ARMC3: variants seen among roughly 807,000 people sequenced by gnomAD.
ARMC3 encodes armadillo repeat-containing protein 3.
In ARMC3, 74 loss-of-function variants were observed where a neutral mutation model predicts 90.3. The observed-to-expected ratio is 0.82, with a 90% CI of 0.68 to 0.99. The LOEUF (loss-of-function observed/expected upper bound fraction) is 0.99. Among genes scored for constraint, ARMC3 ranks in the 50% least tolerant of loss-of-function variants. The pLI, the probability that ARMC3 is intolerant of heterozygous loss-of-function variation, is 0.00. For synonymous variants in ARMC3, 334 were observed against 361.8 expected (o/e 0.92, Z 0.87); for missense variants, 958 against 1,042.8 (o/e 0.92, Z 1.12).
At chr10:22,952,471 C>T (rs1258175411) in intron 3 of ARMC3, among the ~76,000 whole-genome samples, 2 of 152,030 alleles carry the variant, frequency 1.3e-5, no homozygotes, top group South Asian at 2.1e-4. Flanking sequence ...CATAAATTTC[C>T]AAGCTCACTA....
chr10:22,991,517 C>G (rs1346887946), intron 10 of ARMC3, among the ~76,000 whole-genome samples: 1 of 151,438 alleles, frequency 6.6e-6, no homozygotes, highest in Non-Finnish European at 1.5e-5. Context: ...CCTTTACCTG[C>G]TGGGCACTGT....
chr10:23,030,399 G>A (rs945416443), intron 16 of ARMC3, among the ~76,000 whole-genome samples, 197 bp from the exon 17 acceptor site: 1 of 152,154 alleles, frequency 6.6e-6, no homozygotes, highest in African/African-American at 2.4e-5. Context: ...GTGGAATGCG[G>A]AACCCATGGA....
chr10:23,025,013 A>G (rs1016118936), intron 16 of ARMC3, among the ~76,000 whole-genome samples: 2 of 152,176 alleles, frequency 1.3e-5, no homozygotes, highest in African/African-American at 4.8e-5. Flanking sequence ...GGGACATTAC[A>G]TTAGTGATCA....
At chr10:22,932,589 TTC>T (rs1256481051) in intron 2 of ARMC3, among the ~76,000 whole-genome samples, 3 of 152,234 alleles carry the variant, frequency 2.0e-5, no homozygotes, top group Non-Finnish European at 4.4e-5. Flanking sequence ...GGATTTTATC[TTC>T]TCTCTTTAAA....
At chr10:23,008,229 A>G (rs1383887803) in intron 14 of ARMC3, 47 bp from the exon 15 acceptor site, 5 of 998,728 alleles carry the variant, frequency 5.0e-6, no homozygotes. Context: ...CCATCTGTTG[A>G]CAAATAATTT....
intron 10 of ARMC3, among the ~76,000 whole-genome samples, chr10:22,982,471 C>T (rs76275650): frequency 0.014 from 2,203 of 152,320 alleles, 50 homozygotes; most frequent in African/African-American, 0.051. Context: ...CCCAAGCACT[C>T]TGGTGTGTAA....
intron 10 of ARMC3, among the ~76,000 whole-genome samples, chr10:22,990,972 C>G (rs755983117): frequency 1.3e-5 from 2 of 151,718 alleles, no homozygotes; most frequent in Non-Finnish European, 2.9e-5. Flanking sequence ...CCCTTCTCCC[C>G]CTCTCTGCTT....
rs571634077 is a variant in ARMC3 at position 22,957,329 on chromosome 10, G to T, written c.292+1397G>T. 3.9e-5 allele frequency among the ~76,000 whole-genome samples: 6 copies of T among 152,282 alleles called. No individual in the cohort carries two copies. The South Asian group carries it at 1.2e-3, about 32-fold the overall frequency. On this transcript the variant is annotated intron_variant, in intron 4 of 18. Coordinates refer to ENST00000298032, the MANE Select transcript of ARMC3 (RefSeq NM_173081.5). Reference sequence around the variant, plus strand: ...GAGACGTGGAAGGGCGGTTTTGTGTGGCGTCTGTGCCATTACAGCCTCAGC... The same window carrying T: ...GAGACGTGGAAGGGCGGTTTTGTGTTGCGTCTGTGCCATTACAGCCTCAGC...
chr10:23,026,142 C>G (rs1838709083), intron 16 of ARMC3, among the ~76,000 whole-genome samples: 1 of 151,998 alleles, frequency 6.6e-6, no homozygotes, highest in South Asian at 2.1e-4. Context: ...GCAAATTTCA[C>G]CAAACACTTA....
At chr10:22,993,475 G>A (rs1415211260) in intron 10 of ARMC3, among the ~76,000 whole-genome samples, 1 of 152,204 alleles carries the variant, frequency 6.6e-6, no homozygotes, top group African/African-American at 2.4e-5. Flanking sequence ...TCGCAGTGTT[G>A]CTGGATCCTA....
At chr10:23,016,312 A>G (rs187056556) in intron 16 of ARMC3, among the ~76,000 whole-genome samples, 91 of 152,356 alleles carry the variant, frequency 6.0e-4, no homozygotes, top group Non-Finnish European at 1.2e-3. Flanking sequence ...ATGTATTTCA[A>G]TAGTTGATGG....
At chr10:22,977,296 C>T (rs1266337056) in intron 8 of ARMC3, among the ~76,000 whole-genome samples, 2 of 152,208 alleles carry the variant, frequency 1.3e-5, no homozygotes, top group Non-Finnish European at 2.9e-5. Flanking sequence ...ATAGCCCACT[C>T]TGCTCTACAT....
intron 8 of ARMC3, among the ~76,000 whole-genome samples, chr10:22,977,211 T>C (rs529373648): frequency 2.6e-5 from 4 of 152,316 alleles, no homozygotes; most frequent in Non-Finnish European, 5.9e-5. Flanking sequence ...ATTTTCAAGG[T>C]GTCAATAAAA....
intron 8 of ARMC3, among the ~76,000 whole-genome samples, chr10:22,971,057 C>T (rs916948333): frequency 6.6e-6 from 1 of 152,214 alleles, no homozygotes; most frequent in Non-Finnish European, 1.5e-5. Context: ...ACTCCTTCCT[C>T]ATACAAACTC....
intron 8 of ARMC3, among the ~76,000 whole-genome samples, chr10:22,979,521 C>T (rs1836093357): frequency 6.6e-6 from 1 of 152,158 alleles, no homozygotes; most frequent in Non-Finnish European, 1.5e-5. Flanking sequence ...CATCTACATA[C>T]TCCAAAGTTC....
intron 16 of ARMC3, among the ~76,000 whole-genome samples, chr10:23,016,086 A>G (rs1838257897): frequency 1.3e-5 from 2 of 152,238 alleles, no homozygotes; most frequent in South Asian, 4.1e-4. Context: ...TCCTTTTGGA[A>G]TAAATTGGGT....
chr10:22,947,126 C>T (rs368885980), intron 3 of ARMC3, among the ~76,000 whole-genome samples: 14 of 152,018 alleles, frequency 9.2e-5, no homozygotes, highest in African/African-American at 3.1e-4. Context: ...GGCAACATGG[C>T]AAAACCCCAC....
intron 8 of ARMC3, among the ~76,000 whole-genome samples, chr10:22,979,022 C>A (rs1836068112): frequency 6.6e-6 from 1 of 152,140 alleles, no homozygotes; most frequent in Non-Finnish European, 1.5e-5. Context: ...GACCTGGTAC[C>A]AGTAGGAGGA....
chr10:22,965,715 A>C (rs926708096), intron 7 of ARMC3, among the ~76,000 whole-genome samples: 1 of 151,898 alleles, frequency 6.6e-6, no homozygotes, highest in African/African-American at 2.4e-5. Flanking sequence ...ATTTTTCTTC[A>C]ATTTTTTAGA....
Sources: gnomAD v4.1 joint callset for allele counts (sites outside exome capture counted in the v4.1 genomes callset) on GRCh38, gnomAD v4.1.1 for gene constraint, MANE v1.5 for transcripts, NCBI Gene and HGNC (gene_info 2026-07-23, HGNC 2026-07-21) for gene names.